EFCAB13: variants seen among roughly 807,000 people sequenced by gnomAD.
EFCAB13 encodes EF-hand calcium binding domain 13.
EFCAB13 carries 91 observed loss-of-function variants against 110.2 expected under a neutral mutation model. The observed-to-expected ratio is 0.83, with a 90% confidence interval of 0.70 to 0.98. The LOEUF is 0.98. Among genes scored for constraint, EFCAB13 ranks in the 50% least tolerant of loss-of-function variants. EFCAB13 has a pLI of 0.00. For missense variants in EFCAB13, 968 were observed against 1,119.4 expected (o/e 0.86, Z 1.93); for synonymous variants, 323 against 369.9 (o/e 0.87, Z 1.45).
intron 24 of EFCAB13, among the ~76,000 whole-genome samples, chr17:47,434,442 GAATCA>G (rs1905175119): frequency 6.6e-6 from 1 of 152,104 alleles, no homozygotes; most frequent in African/African-American, 2.4e-5. Flanking sequence ...TGGATGTGTG[GAATCA>G]ATGCTGTGAA....
At chr17:47,400,302 G>T (rs528731273) in intron 17 of EFCAB13, among the ~76,000 whole-genome samples, 4 of 152,246 alleles carry the variant, frequency 2.6e-5, no homozygotes, top group African/African-American at 9.6e-5. Flanking sequence ...CTGTTTTGGT[G>T]GTTTAGCAAA....
chr17:47,335,381 T>C, intron 5 of EFCAB13, 25 bp downstream of exon 5: 2 of 1,554,546 alleles, frequency 1.3e-6, no homozygotes, highest in East Asian at 2.3e-5. Flanking sequence ...CTGAACTTAC[T>C]TTATTGAATT....
At chr17:47,439,796 T>G (rs1382923720) in intron 24 of EFCAB13, among the ~76,000 whole-genome samples, 1 of 152,066 alleles carries the variant, frequency 6.6e-6, no homozygotes, top group Non-Finnish European at 1.5e-5. Context: ...ATACCACAGA[T>G]ATACCATATA....
intron 23 of EFCAB13, among the ~76,000 whole-genome samples, chr17:47,419,152 T>G (rs1057180987): frequency 6.6e-6 from 1 of 152,178 alleles, no homozygotes; most frequent in Non-Finnish European, 1.5e-5. Context: ...TAACCAAGCC[T>G]GTCAGGATTT....
chr17:47,382,917 C>CT (rs2065655174), intron 14 of EFCAB13, among the ~76,000 whole-genome samples: 2 of 151,956 alleles, frequency 1.3e-5, no homozygotes, highest in Admixed American at 1.3e-4. Context: ...TGGTCCTGGG[C>CT]TTTTTTTGGT....
At chr17:47,377,189 A>G (rs952966463) in intron 12 of EFCAB13, among the ~76,000 whole-genome samples, 6 of 151,734 alleles carry the variant, frequency 4.0e-5, no homozygotes, top group African/African-American at 1.2e-4. Flanking sequence ...ACATACAAAC[A>G]CACACACACA....
chr17:47,380,530 G>A (rs1014924365), intron 14 of EFCAB13, among the ~76,000 whole-genome samples: 3 of 152,194 alleles, frequency 2.0e-5, no homozygotes, highest in Non-Finnish European at 4.4e-5. Flanking sequence ...GAACAGCACT[G>A]CAATAAACAT....
At chr17:47,420,868 G>C (rs974051759) in intron 23 of EFCAB13, among the ~76,000 whole-genome samples, 1 of 25,262 alleles carries the variant, frequency 4.0e-5, no homozygotes, top group African/African-American at 1.2e-4. Flanking sequence ...AGGTGGGGGG[G>C]TCAGCCCCCC....
chr17:47,334,721 G>T (rs1401956849), intron 4 of EFCAB13, among the ~76,000 whole-genome samples: 3 of 152,054 alleles, frequency 2.0e-5, no homozygotes, highest in African/African-American at 7.2e-5. Context: ...TTCGAGACCA[G>T]CCTTGGCAAT....
intron 11 of EFCAB13, among the ~76,000 whole-genome samples, chr17:47,372,473 G>A (rs569443809): frequency 7.6e-4 from 115 of 152,146 alleles, no homozygotes; most frequent in African/African-American, 2.5e-3. Context: ...TACTATGTAA[G>A]TGAAGTGCAC....
At chr17:47,420,601 C>A (rs796871230) in intron 23 of EFCAB13, among the ~76,000 whole-genome samples, 2 of 48,782 alleles carry the variant, frequency 4.1e-5, no homozygotes, top group African/African-American at 7.7e-5. Context: ...GCCCCGCCGC[C>A]CCATCTGGGA....
At chr17:47,419,863 T>G (rs967421354) in intron 23 of EFCAB13, among the ~76,000 whole-genome samples, 2 of 152,076 alleles carry the variant, frequency 1.3e-5, no homozygotes, top group African/African-American at 4.8e-5. Context: ...GAAATAATAT[T>G]TTTAAAAAAA....
chr17:47,386,474 G>A (rs1433105509), intron 14 of EFCAB13, among the ~76,000 whole-genome samples: 1 of 152,138 alleles, frequency 6.6e-6, no homozygotes, highest in Non-Finnish European at 1.5e-5. Context: ...AATGGCAGAT[G>A]CCCTTCCCCA....
chr17:47,427,179 G>T (rs1028654644), intron 23 of EFCAB13, among the ~76,000 whole-genome samples: 1 of 152,006 alleles, frequency 6.6e-6, no homozygotes, highest in Non-Finnish European at 1.5e-5. Context: ...TTATTAAATT[G>T]ATAGACTGCC....
intron 24 of EFCAB13, among the ~76,000 whole-genome samples, chr17:47,435,841 G>A (rs1330732520): frequency 1.3e-5 from 2 of 152,124 alleles, no homozygotes; most frequent in Non-Finnish European, 2.9e-5. Flanking sequence ...AGTGGTGAGA[G>A]TGGGCATCCT....
intron 14 of EFCAB13, among the ~76,000 whole-genome samples, chr17:47,389,577 T>TC: frequency 6.7e-6 from 1 of 148,634 alleles, no homozygotes; most frequent in Non-Finnish European, 1.5e-5. Context: ...CCTCATTTCA[T>TC]CTTTTTTTTT....
Position 47,342,558 on chromosome 17 carries a change from C to A in EFCAB13, c.303+526C>A, listed in dbSNP as rs114842527. 6.4e-3 allele frequency among the ~76,000 whole-genome samples: 978 copies of A among 152,254 alleles called. 7 individuals carry two copies. Among genetic ancestry groups the A allele is most frequent in the African/African-American group, 0.019 (804 of 41,554 alleles). ...TTTCAGATATTAGAACATGGAATAT[C>A]TTTTTGTGTAGTCACTCACTATGAT... is the stretch of plus-strand genomic sequence containing the variant. On this transcript the variant is annotated intron_variant, in intron 6 of 24. Coordinates refer to ENST00000331493, the MANE Select transcript of EFCAB13 (RefSeq NM_152347.5).
intron 23 of EFCAB13, among the ~76,000 whole-genome samples, chr17:47,427,626 T>C (rs1348164607): frequency 1.3e-5 from 2 of 152,070 alleles, no homozygotes; most frequent in Non-Finnish European, 2.9e-5. Context: ...TACAAAGTTA[T>C]AGACTCAAGT....
intron 12 of EFCAB13, among the ~76,000 whole-genome samples, chr17:47,376,901 T>C (rs1043412535): frequency 2.0e-5 from 3 of 152,222 alleles, no homozygotes; most frequent in African/African-American, 7.2e-5. Context: ...TGGATTTTTC[T>C]TTTATTCCTT....
Sources: gnomAD v4.1 joint callset for allele counts (sites outside exome capture counted in the v4.1 genomes callset) on GRCh38, gnomAD v4.1.1 for gene constraint, MANE v1.5 for transcripts, NCBI Gene and HGNC (gene_info 2026-07-23, HGNC 2026-07-21) for gene names.